The following TMEM131 variants were observed in gnomAD, a reference collection of about 807,000 sequenced individuals.
TMEM131 encodes the protein transmembrane protein 131.
A neutral mutation model predicts 211.6 loss-of-function variants in TMEM131; 66 were observed. The ratio of observed to expected loss-of-function variants is 0.31; its 90% CI spans 0.26 to 0.38. The LOEUF (loss-of-function observed/expected upper bound fraction) is 0.38. Ranked by LOEUF, TMEM131 falls within the 10% of genes least tolerant of loss-of-function variation. TMEM131 has a pLI of 1.00. For synonymous variants in TMEM131, 844 were observed against 841.3 expected (o/e 1.00, Z -0.06); for missense variants, 2,036 against 2,299.3 (o/e 0.89, Z 2.34).
In TMEM131 at chr2:97,759,656, A is replaced by G. The variant is rs1314579086; in HGVS notation, c.5202T>C (p.Thr1734=). ...CATCTAGTGTTAAACACTCACCACCAGTTAGATTAAAAGAGTTTCCAAAGG... is the reference window on the plus strand; with the variant it reads ...CATCTAGTGTTAAACACTCACCACCGGTTAGATTAAAAGAGTTTCCAAAGG... ...FSAFGNSFNL[T]GEVFSKLGLS... The change falls in exon 39 of 41, where the codon ACT becomes ACC. Residue 1734 remains threonine (T), a synonymous_variant. Coordinates refer to ENST00000186436, the MANE Select transcript of TMEM131 (RefSeq NM_015348.2). The G allele has an allele frequency of 1.2e-6, 2 of 1,611,818 alleles. No homozygotes were observed. Among genetic ancestry groups the G allele is most frequent in the Admixed American group, 3.3e-5 (2 of 59,864 alleles).
chr2:97,850,581 G>T (rs890081229), intron 5 of TMEM131, among the ~76,000 whole-genome samples: 2 of 151,874 alleles, frequency 1.3e-5, no homozygotes, highest in African/African-American at 4.8e-5. Flanking sequence ...TGATATAAAA[G>T]ATGTGAAAAA....
At chr2:97,960,261 C>CT (rs1348174242) in intron 1 of TMEM131, among the ~76,000 whole-genome samples, 1 of 152,194 alleles carries the variant, frequency 6.6e-6, no homozygotes, top group Non-Finnish European at 1.5e-5. Flanking sequence ...ATTACAGTGG[C>CT]AGTTGTAAAA....
intron 36 of TMEM131, chr2:97,761,423 C>T (rs914393544): frequency 1.3e-5 from 2 of 158,660 alleles, no homozygotes; most frequent in African/African-American, 4.8e-5. Context: ...GCACAGAAAC[C>T]CACGCCACGG....
chr2:97,906,445 T>C (rs1676072784), intron 3 of TMEM131, among the ~76,000 whole-genome samples: 1 of 152,214 alleles, frequency 6.6e-6, no homozygotes, highest in Non-Finnish European at 1.5e-5. Flanking sequence ...TACGGAGCTC[T>C]TTCTCCCCAC....
chr2:97,968,254 C>G (rs551018164), intron 1 of TMEM131, among the ~76,000 whole-genome samples: 3 of 152,012 alleles, frequency 2.0e-5, no homozygotes, highest in African/African-American at 7.2e-5. Context: ...CAGATAAGAA[C>G]CGAGGAGTGA....
chr2:97,896,024 C>T (rs1297825720), intron 3 of TMEM131, among the ~76,000 whole-genome samples: 1 of 152,170 alleles, frequency 6.6e-6, no homozygotes, highest in African/African-American at 2.4e-5. Context: ...TTTCCCTCTG[C>T]ACATTGCTTT....
chr2:97,977,158 A>G (rs1052258942), intron 1 of TMEM131, among the ~76,000 whole-genome samples: 1 of 152,156 alleles, frequency 6.6e-6, no homozygotes, highest in Non-Finnish European at 1.5e-5. Context: ...TAAAAGAGCA[A>G]ATTGGTAAAG....
chr2:97,835,824 T>C (rs761432824), intron 8 of TMEM131, among the ~76,000 whole-genome samples: 14 of 152,178 alleles, frequency 9.2e-5, no homozygotes, highest in East Asian at 1.9e-4. Context: ...TCACAGCCCA[T>C]TGGCTTTTTT....
At chr2:97,953,274 G>A (rs1373099634) in intron 1 of TMEM131, among the ~76,000 whole-genome samples, 1 of 152,176 alleles carries the variant, frequency 6.6e-6, no homozygotes, top group Non-Finnish European at 1.5e-5. Context: ...ATGAAAGTCA[G>A]ACAAAACCCA....
chr2:97,808,643 G>A (rs1170841502), intron 19 of TMEM131, among the ~76,000 whole-genome samples: 1 of 152,102 alleles, frequency 6.6e-6, no homozygotes, highest in Admixed American at 6.5e-5. Context: ...CATACATTAT[G>A]TACTAAGTGC....
rs376381758 is a variant in TMEM131 at position 97,775,998 on chromosome 2, G to A, written c.4165C>T (p.Arg1389Cys). The A allele has an allele frequency of 3.0e-5, 49 of 1,612,558 alleles. No homozygotes were observed. The highest frequency in any genetic ancestry group is 1.8e-4 in the Admixed American group (11 of 59,700). ...TGCTTCTTAGGTGGTTTCACCTTGC[G>A]CTGAAGAGGTTTTCCTTTCCCTGAG... Reference protein sequence around the residue: ...KSKGKGKPLQRKVKPPKKQEE... With the variant: ...KSKGKGKPLQCKVKPPKKQEE... The change falls in exon 32 of 41, where the codon CGC becomes TGC. Residue 1389 changes from arginine to cysteine, a missense_variant. Around this residue, in one of 3 missense-constraint regions of TMEM131, gnomAD observed 1,623 missense variants for 1,805.9 expected, o/e 0.90. Transcript: ENST00000186436.
At chr2:97,832,576 G>T (rs17022800) in intron 11 of TMEM131, among the ~76,000 whole-genome samples, 137 of 152,248 alleles carry the variant, frequency 9.0e-4, no homozygotes, top group African/African-American at 3.0e-3. Flanking sequence ...GCCATCGATG[G>T]ACAAAGGTCC....
At chr2:97,797,625 T>C (rs1415514388) in intron 25 of TMEM131, 109 bp from the exon 26 acceptor site, 9 of 922,554 alleles carry the variant, frequency 9.8e-6, no homozygotes, top group Non-Finnish European at 1.4e-5. Context: ...ACTGATTAAA[T>C]GCATAAACAA....
chr2:97,814,445 TA>T (rs1480062514), intron 13 of TMEM131, 57 bp from the exon 14 acceptor site: 1 of 1,454,026 alleles, frequency 6.9e-7, no homozygotes, highest in African/African-American at 1.4e-5. Context: ...TGTGTTAATT[TA>T]AAATCCAAGT....
chr2:97,843,126 TCCAC>T (rs1182923271), intron 6 of TMEM131, among the ~76,000 whole-genome samples: 20 of 151,602 alleles, frequency 1.3e-4, no homozygotes, highest in Non-Finnish European at 2.8e-4. Context: ...ACACTCAAGT[TCCAC>T]TGGCAGCACA....
chr2:97,822,581 G>C (rs540844495), intron 11 of TMEM131, among the ~76,000 whole-genome samples: 2 of 152,090 alleles, frequency 1.3e-5, no homozygotes, highest in Admixed American at 6.5e-5. Flanking sequence ...GATTTTTCTT[G>C]GTCCTCTTTG....
intron 36 of TMEM131, 163 bp downstream of exon 36, chr2:97,761,872 A>C: frequency 2.9e-6 from 2 of 701,752 alleles, no homozygotes; most frequent in South Asian, 4.4e-5. Context: ...AGCAGCAGGA[A>C]GCGGGGGTGG....
chr2:97,880,998 G>C (rs528836242), intron 4 of TMEM131, among the ~76,000 whole-genome samples: 1 of 152,264 alleles, frequency 6.6e-6, no homozygotes, highest in African/African-American at 2.4e-5. Context: ...AGATCAAAGT[G>C]TCACCAAACA....
intron 11 of TMEM131, among the ~76,000 whole-genome samples, chr2:97,830,896 T>C (rs1330867865): frequency 6.6e-6 from 1 of 152,224 alleles, no homozygotes; most frequent in Non-Finnish European, 1.5e-5. Context: ...ATCTCCAGCT[T>C]CTAGCACTGC....
Sources: allele counts gnomAD v4.1 joint callset (sites outside exome capture counted in the v4.1 genomes callset), GRCh38; gene constraint gnomAD v4.1.1; regional missense constraint gnomAD v4.1.1; transcripts MANE v1.5; gene names NCBI Gene and HGNC (gene_info 2026-07-23, HGNC 2026-07-21).